Variants in DST observed in about 807,000 individuals in gnomAD.
DST encodes the protein dystonin, also known as bullous pemphigoid antigen.
In DST, 253 loss-of-function variants were observed where a neutral mutation model predicts 875.2. The observed-to-expected ratio is 0.29, with a 90% CI of 0.26 to 0.32. The LOEUF is 0.32. Ranked by LOEUF, DST falls within the 10% of genes least tolerant of loss-of-function variation. The probability of loss-of-function intolerance (pLI) is 1.00; values close to 1 mark genes in which losing one functional copy is unlikely to be tolerated. For synonymous variants in DST, 3,124 were observed against 3,197.1 expected, an observed-to-expected ratio of 0.98 and a Z score of 0.77; for missense variants, 8,287 against 9,111.6, an observed-to-expected ratio of 0.91 and a Z score of 3.68.
chr6:56,464,680 C>A lies in DST; in HGVS notation c.22759+5G>T. The stretch of plus-strand genomic sequence containing the variant: ...AGGGGAGAGGCAAAGAGAGAGGTTG[C>A]CAACCTATAGTAGGCTGAGTAGTAG... On this transcript the variant is annotated splice_donor_5th_base_variant and intron_variant, in intron 100 of 103. Transcript: ENST00000680361. 1 of 1,587,900 alleles carries A rather than the reference C, an allele frequency of 6.3e-7. No individual in the cohort carries two copies. The highest frequency in any genetic ancestry group is 8.6e-7 in the Non-Finnish European group (1 of 1,164,892).
At chr6:56,482,365 A>T (rs191714275) in intron 89 of DST, 187 bp from the exon 90 acceptor site, 59 of 607,420 alleles carry the variant, frequency 9.7e-5, no homozygotes, top group African/African-American at 4.2e-4. Flanking sequence ...TTAATATATT[A>T]AAAAAAAAGC....
chr6:56,854,425 G>A (rs1430688549), intron 3 of DST, among the ~76,000 whole-genome samples: 2 of 151,642 alleles, frequency 1.3e-5, no homozygotes, highest in Admixed American at 6.6e-5. Flanking sequence ...ATACAAATTC[G>A]GTAGCTAGGT....
intron 36 of DST, among the ~76,000 whole-genome samples, chr6:56,622,515 C>T (rs1417014513): frequency 2.3e-5 from 3 of 129,548 alleles, no homozygotes; most frequent in Admixed American, 2.0e-4. Flanking sequence ...GCAGAGGTTG[C>T]AGTGAGCCGA....
intron 80 of DST, among the ~76,000 whole-genome samples, chr6:56,498,586 T>A (rs1000499979): frequency 3.3e-5 from 5 of 152,142 alleles, no homozygotes. Context: ...AATTTCTCAC[T>A]TGGTTCAAGC....
intron 4 of DST, among the ~76,000 whole-genome samples, chr6:56,824,366 C>T (rs1166370150): frequency 1.3e-5 from 2 of 152,214 alleles, no homozygotes; most frequent in Non-Finnish European, 2.9e-5. Flanking sequence ...CTACAACCAC[C>T]TCCCAGCCGC....
chr6:56,722,705 A>G (rs910764587), intron 5 of DST, among the ~76,000 whole-genome samples: 1 of 152,240 alleles, frequency 6.6e-6, no homozygotes, highest in African/African-American at 2.4e-5. Context: ...TGTTCTTTTT[A>G]GAAAAACTTT....
At position 56,900,466 on chromosome 6, in the gene DST, C is replaced by T. The variant is rs753128403; in HGVS notation, c.372G>A (p.Gln124=). ...KRRIKKSSRV[Q]PEFYHSVQGA... ...CTTGAACAGAGTGATAAAATTCTGG[C>T]TGGACTCGGCTGCTCTTCTTGATTC... The change falls in exon 3 of 104, where the codon CAG becomes CAA. Residue 124 remains glutamine, a synonymous_variant. Transcript: ENST00000680361. 1.5e-6 allele frequency: 2 copies of T among 1,367,594 alleles called. No homozygotes were observed. The highest frequency in any genetic ancestry group is 2.3e-5 in the South Asian group (2 of 88,052). The allele number at this position is 1,367,594 out of a possible 1,614,324, so 84.7% of individuals were successfully genotyped here. A position where few individuals can be genotyped will look rare whatever the true frequency, so the allele number is the denominator to read the frequency against.
At chr6:56,811,242 A>G (rs1242087467) in intron 4 of DST, among the ~76,000 whole-genome samples, 1 of 150,694 alleles carries the variant, frequency 6.6e-6, no homozygotes, top group South Asian at 2.1e-4. Context: ...CCCAGCCCCA[A>G]CCTGAGAGAC....
At chr6:56,896,873 C>A (rs576474568) in intron 3 of DST, among the ~76,000 whole-genome samples, 1 of 152,290 alleles carries the variant, frequency 6.6e-6, no homozygotes, top group Non-Finnish European at 1.5e-5. Flanking sequence ...AGTCCTTTGT[C>A]AGATGTATAG....
chr6:56,467,200 C>A (rs2094618417), intron 98 of DST: 1 of 152,238 alleles, frequency 6.6e-6, no homozygotes, highest in African/African-American at 2.4e-5. Context: ...TAAATGGCTT[C>A]TTTGTAAAGC....
At chr6:56,496,575 T>A (rs971639437) in intron 82 of DST, among the ~76,000 whole-genome samples, 3 of 152,126 alleles carry the variant, frequency 2.0e-5, no homozygotes, top group African/African-American at 7.2e-5. Flanking sequence ...TTCTGATTAT[T>A]TTGGAGGTTT....
intron 61 of DST, among the ~76,000 whole-genome samples, chr6:56,544,887 C>T (rs141721026): frequency 1.3e-5 from 2 of 152,214 alleles, no homozygotes; most frequent in African/African-American, 2.4e-5. Context: ...AGAGCAGAAC[C>T]GGACTGGTTT....
intron 61 of DST, among the ~76,000 whole-genome samples, chr6:56,538,612 G>A (rs1374654277): frequency 2.0e-5 from 3 of 152,158 alleles, no homozygotes; most frequent in Non-Finnish European, 4.4e-5. Context: ...GGATACTCCT[G>A]TGTTACTGTA....
chr6:56,505,050 G>A (rs1164539489), intron 77 of DST, among the ~76,000 whole-genome samples: 3 of 151,984 alleles, frequency 2.0e-5, no homozygotes, highest in Non-Finnish European at 2.9e-5. Flanking sequence ...ATAAATCTTG[G>A]ATTTTTAAGT....
At chr6:56,796,982 T>A (rs1317189719) in intron 4 of DST, among the ~76,000 whole-genome samples, 1 of 152,246 alleles carries the variant, frequency 6.6e-6, no homozygotes, top group Non-Finnish European at 1.5e-5. Flanking sequence ...TTTATTGTGC[T>A]GTGCAGATAT....
chr6:56,629,328 A>G lies in DST; in HGVS notation c.4397T>C (p.Leu1466Pro), dbSNP rs1307187580. ...TTTTTCTTTGTGCCAGTCAAAATCA[A>G]GGTCCCGTTCTTTATACGTTTTAAA... ...EMFKTYKERD[L>P]DFDWHKEKAD... Residue 1466 changes from leucine to proline, a missense_variant, in exon 32 of 104, where the codon CTT becomes CCT. By Grantham distance (98) the Leu-to-Pro change is moderately conservative. Coordinates refer to ENST00000680361, the MANE Select transcript of DST (RefSeq NM_001374736.1). 3 of 1,613,666 alleles carry G rather than the reference A, an allele frequency of 1.9e-6. No homozygotes were observed. The highest frequency in any genetic ancestry group is 1.3e-5 in the African/African-American group (1 of 74,912).
At chr6:56,592,492 T>G (rs1444862600) in intron 48 of DST, 134 bp from the exon 49 acceptor site, 1 of 773,236 alleles carries the variant, frequency 1.3e-6, no homozygotes, top group African/African-American at 1.8e-5. Flanking sequence ...AAAAACTCTG[T>G]TGGGCTAAGA....
intron 4 of DST, among the ~76,000 whole-genome samples, chr6:56,777,390 T>G (rs1196317719): frequency 6.6e-6 from 1 of 152,010 alleles, no homozygotes; most frequent in Non-Finnish European, 1.5e-5. Context: ...TACAGGCAAG[T>G]AGATGGTTTC....
intron 4 of DST, among the ~76,000 whole-genome samples, chr6:56,740,899 GA>G (rs967365237): frequency 9.3e-5 from 14 of 149,970 alleles, no homozygotes; most frequent in African/African-American, 1.7e-4. Flanking sequence ...AAATCCTCAA[GA>G]AAAAAAAATT....
Sources: allele counts gnomAD v4.1 joint callset (sites outside exome capture counted in the v4.1 genomes callset), GRCh38; gene constraint gnomAD v4.1.1; transcripts MANE v1.5; gene names NCBI Gene and HGNC (gene_info 2026-07-23, HGNC 2026-07-21).